TTF2: variants seen among roughly 807,000 people sequenced by gnomAD.
TTF2 encodes RNA polymerase II termination factor.
A neutral mutation model predicts 142.4 loss-of-function variants in TTF2; 108 were observed. The ratio of observed to expected loss-of-function variants is 0.76; its 90% CI spans 0.65 to 0.89. The LOEUF (loss-of-function observed/expected upper bound fraction) is 0.89, where lower values mean the gene tolerates loss of function less well. TTF2 is among the 40% of genes least tolerant of loss of function. The pLI is 0.00. For synonymous variants in TTF2, 483 were observed against 506.2 expected (o/e 0.95, Z 0.61); for missense variants, 1,327 against 1,379.8 (o/e 0.96, Z 0.61).
chr1:117,099,040 C>T lies in TTF2; in HGVS notation c.3344+133C>T. The T allele has an allele frequency of 1.3e-6, 1 of 764,918 alleles. No individual in the cohort carries two copies. The highest frequency in any genetic ancestry group is 3.2e-5 in the South Asian group (1 of 31,556). 47.4% of individuals were successfully genotyped at this position (764,918 alleles called of 1,614,324 possible). ...TTACTGATGATGCCCCTGAGGCATACCTTCAGGCAAACCACAGTCAGGAGA... is the reference window on the plus strand; with the variant it reads ...TTACTGATGATGCCCCTGAGGCATATCTTCAGGCAAACCACAGTCAGGAGA... On this transcript the variant is annotated intron_variant, in intron 22 of 22. Coordinates refer to ENST00000369466, the MANE Select transcript of TTF2 (RefSeq NM_003594.4). This position sits in a 1 kb window ranked among gnomAD's most constrained non-coding sequence, Gnocchi z 4.3.
In TTF2 at chr1:117,075,997, C is replaced by T; in HGVS notation, c.1275+138C>T. ...GTGCATGTTCAGTTTCTGCCTTTTC[C>T]CCTATTTATATTTTCAAGATTGGTA... On this transcript the variant is annotated intron_variant, in intron 5 of 22. Coordinates refer to ENST00000369466, the MANE Select transcript of TTF2 (RefSeq NM_003594.4). The surrounding 1 kb of genome is among the most constrained non-coding windows in gnomAD (Gnocchi z 4.5). 1 of 1,372,480 alleles carries T rather than the reference C, an allele frequency of 7.3e-7. No individual in the cohort carries two copies. The highest frequency in any genetic ancestry group is 9.7e-7 in the Non-Finnish European group (1 of 1,031,380). 85.0% of individuals were successfully genotyped at this position (1,372,480 alleles called of 1,614,324 possible).
In TTF2 at chr1:117,075,570, C is replaced by T. The variant is rs754957264; in HGVS notation, c.986C>T (p.Ala329Val). 25 of 1,614,042 alleles carry T rather than the reference C, an allele frequency of 1.5e-5. No homozygotes were observed. Among genetic ancestry groups the T allele is most frequent in the Non-Finnish European group, 1.9e-5 (23 of 1,180,032 alleles). The change falls in exon 5 of 23, where the codon GCG (alanine) becomes GTG (valine). Residue 329 changes from alanine (A) to valine (V), a missense_variant. Physicochemically the swap from Ala to Val is moderately conservative, Grantham distance 64. Coordinates refer to ENST00000369466, the MANE Select transcript of TTF2 (RefSeq NM_003594.4). This position sits in a 1 kb window ranked among gnomAD's most constrained non-coding sequence, Gnocchi z 4.5. ...THSVPAPGGPAAQAAPAAPGL... is the reference protein window; with the variant it reads ...THSVPAPGGPVAQAAPAAPGL... The stretch of plus-strand genomic sequence containing the variant: ...AGTGTGCCTGCTCCTGGAGGACCAG[C>T]GGCTCAGGCTGCACCAGCAGCACCA...
chr1:117,095,430 C>A, intron 19 of TTF2, 63 bp downstream of exon 19: 2 of 1,494,758 alleles, frequency 1.3e-6, no homozygotes, highest in African/African-American at 1.4e-5. Flanking sequence ...TTGATATTGC[C>A]AAGAGTTATA....
Position 117,088,949 on chromosome 1 carries a change from A to G in TTF2, c.2309A>G (p.Gln770Arg), listed in dbSNP as rs1399982848. ...ARWAVTGTPI[Q>R]NNLLDMYSLL... ...TGGGCTGTCACTGGAACCCCCATTC[A>G]AAACAACTTATTGGATATGTATTCG... is the stretch of plus-strand genomic sequence containing the variant. The change falls in exon 13 of 23, where the codon CAA becomes CGA. Residue 770 changes from glutamine (Q) to arginine (R), a missense_variant. Transcript: ENST00000369466. 5 of 1,613,024 alleles carry G rather than the reference A, an allele frequency of 3.1e-6. No individual in the cohort carries two copies. The South Asian group carries it at 5.5e-5, about 18-fold the overall frequency.
intron 2 of TTF2, among the ~76,000 whole-genome samples, 193 bp from the exon 3 acceptor site, chr1:117,062,194 G>A (rs974946181): frequency 6.6e-6 from 1 of 152,218 alleles, no homozygotes; most frequent in Admixed American, 6.5e-5. Flanking sequence ...ATTTGAGAAA[G>A]TGGGTAAAGA....
chr1:117,064,738 C>T (rs557669108), intron 3 of TTF2, among the ~76,000 whole-genome samples: 5 of 150,518 alleles, frequency 3.3e-5, no homozygotes, highest in East Asian at 2.0e-4. Context: ...AGGCTGGTCC[C>T]GAACTCCTGA....
chr1:117,082,058 C>T (rs778830720), intron 10 of TTF2, 111 bp downstream of exon 10: 91 of 1,489,576 alleles, frequency 6.1e-5, no homozygotes, highest in Non-Finnish European at 7.9e-5. Context: ...AATTACTCTA[C>T]TGGAAAACCA....
rs1324281635 is a variant in TTF2, at chr1:117,073,994, G to GA, written c.285+274dup. Among the ~76,000 whole-genome samples the GA allele has an allele frequency of 1.3e-5, 2 of 152,050 alleles. No homozygotes were observed. Among genetic ancestry groups the GA allele is most frequent in the South Asian group, 2.1e-4 (1 of 4,814 alleles). ...TGTAGTCAGTATTCTTTTACTCAAG[G>GA]AAAAAAATAGATTTCCTTGACTAAC... On this transcript the variant is annotated intron_variant, in intron 4 of 22. Transcript: ENST00000369466. The surrounding 1 kb of genome is among the most constrained non-coding windows in gnomAD (Gnocchi z 4.4).
At chr1:117,098,624 C>T in intron 21 of TTF2, 1 of 471,390 alleles carries the variant, frequency 2.1e-6, no homozygotes, top group African/African-American at 2.0e-5. Context: ...GATTTTTTTT[C>T]TTTGAGGCTT....
rs1458891850 is a variant in TTF2, at chr1:117,060,366, C to T, written c.20C>T (p.Pro7Leu). MEEVRC[P>L]EHGTFCFLKT... ...AGCGAAATGGAAGAAGTTAGGTGTC[C>T]AGAGCACGGTAAGGGGCTAGGGTCT... Residue 7 changes from proline (P) to leucine (L), a missense_variant, in exon 1 of 23, where the codon CCA (proline) becomes CTA (leucine). By Grantham distance (98) the Pro-to-Leu change is moderately conservative. Transcript: ENST00000369466. 1 of 1,604,478 alleles carries T rather than the reference C, an allele frequency of 6.2e-7. No individual in the cohort carries two copies. The highest frequency in any genetic ancestry group is 1.1e-5 in the South Asian group (1 of 90,238).
chr1:117,092,892 G>C lies in TTF2; in HGVS notation c.2967G>C (p.Glu989Asp), dbSNP rs1056802412. The part of the protein sequence containing the change: ...FKMELFEGMR[E>D]STKISSLLAE... ...TGGAGCTTTTTGAAGGCATGCGAGA[G>C]AGCACCAAGGTACTTTTTGTCTCCT... The change falls in exon 18 of 23, where the codon GAG becomes GAC. Residue 989 changes from glutamate to aspartate, a missense_variant. Coordinates refer to ENST00000369466, the MANE Select transcript of TTF2 (RefSeq NM_003594.4). The surrounding 1 kb of genome is among the most constrained non-coding windows in gnomAD (Gnocchi z 4.4). 1.2e-6 allele frequency: 2 copies of C among 1,614,182 alleles called. No individual in the cohort carries two copies. The highest frequency in any genetic ancestry group is 1.7e-6 in the Non-Finnish European group (2 of 1,180,038).
In TTF2 at chr1:117,087,317, G is replaced by A. The variant is rs1648104964; in HGVS notation, c.2160+795G>A. 6.6e-6 allele frequency among the ~76,000 whole-genome samples: 1 copy of A among 152,108 alleles called. No homozygotes were observed. Among genetic ancestry groups the A allele is most frequent in the Non-Finnish European group, 1.5e-5 (1 of 68,008 alleles). ...TTCATTTATTTATTTATTTGAGGCA[G>A]AATCTCACTCTGTCGCCCAGGATGG... On this transcript the variant is annotated intron_variant, in intron 12 of 22. Coordinates refer to ENST00000369466, the MANE Select transcript of TTF2 (RefSeq NM_003594.4). This position sits in a 1 kb window ranked among gnomAD's most constrained non-coding sequence, Gnocchi z 4.8.
chr1:117,064,196 G>A (rs1347009850), intron 3 of TTF2, among the ~76,000 whole-genome samples: 7 of 152,000 alleles, frequency 4.6e-5, no homozygotes, highest in Non-Finnish European at 1.0e-4. Flanking sequence ...ATACAAGTTA[G>A]GCCAGGCATG....
Position 117,091,928 on chromosome 1 carries a change from G to A in TTF2, c.2783G>A (p.Cys928Tyr). The A allele has an allele frequency of 6.2e-7, 1 of 1,612,508 alleles. No homozygotes were observed. Among genetic ancestry groups the A allele is most frequent in the Non-Finnish European group, 8.5e-7 (1 of 1,179,562 alleles). Residue 928 changes from cysteine (C) to tyrosine (Y), a missense_variant, in exon 17 of 23, where the codon TGT (cysteine) becomes TAT (tyrosine). Physicochemically the swap from Cys to Tyr is radical, Grantham distance 194 (BLOSUM62 -2). Transcript: ENST00000369466. The stretch of plus-strand genomic sequence containing the variant: ...TTGCTGAGACTCCGCCAGTGTTGCT[G>A]TCATCTTTCTTTACTGAAGTCGGTA... ...SQLLRLRQCC[C>Y]HLSLLKSALD...
intron 16 of TTF2, 68 bp from the exon 17 acceptor site, chr1:117,091,749 T>C: frequency 2.6e-6 from 4 of 1,564,256 alleles, no homozygotes; most frequent in Non-Finnish European, 2.6e-6. Context: ...CCCATGTAGT[T>C]CCTGGCTCTC....
rs1655841661 is a variant in TTF2 at position 117,063,418 on chromosome 1, C to A, written c.218+945C>A. ...TCACCCCTCCCATCTCCACCCCTGTCAGCAATCACTGTTCTGATTTTTATC... is the reference window on the plus strand; with the variant it reads ...TCACCCCTCCCATCTCCACCCCTGTAAGCAATCACTGTTCTGATTTTTATC... On this transcript the variant is annotated intron_variant, in intron 3 of 22. Coordinates refer to ENST00000369466, the MANE Select transcript of TTF2 (RefSeq NM_003594.4). The surrounding 1 kb of genome is among the most constrained non-coding windows in gnomAD (Gnocchi z 4.1). Among the ~76,000 whole-genome samples the A allele has an allele frequency of 6.6e-6, 1 of 152,192 alleles. No homozygotes were observed. The highest frequency in any genetic ancestry group is 1.5e-5 in the Non-Finnish European group (1 of 68,032).
chr1:117,082,187 G>A, intron 10 of TTF2: 2 of 506,294 alleles, frequency 4.0e-6, no homozygotes, highest in South Asian at 2.0e-5. Flanking sequence ...GAAAGCTGAG[G>A]CTCTAGAACA....
At position 117,106,797 on chromosome 1, in the gene TTF2, C is replaced by T. The variant is rs1053318914; in HGVS notation, c.*5273C>T. 2.0e-5 allele frequency: 3 copies of T among 152,254 alleles called. No homozygotes were observed. The highest frequency in any genetic ancestry group is 4.4e-5 in the Non-Finnish European group (3 of 68,050). The allele number at this position is 152,254 out of a possible 1,614,324, so 9.4% of individuals were successfully genotyped here. A position where few individuals can be genotyped will look rare whatever the true frequency, so the allele number is the denominator to read the frequency against. On this transcript the variant is annotated 3_prime_UTR_variant, in exon 23 of 23. Transcript: ENST00000369466. ...GCCTGCTTCTAATGAGCATCCACTT[C>T]ATTGAACCACCTCTTCATTGAGCCA...
At chr1:117,071,944 A>G (rs1027857581) in intron 3 of TTF2, among the ~76,000 whole-genome samples, 4 of 152,100 alleles carry the variant, frequency 2.6e-5, no homozygotes, top group Non-Finnish European at 5.9e-5. Flanking sequence ...AATGTGGGGA[A>G]ACCTTGCCAA....
Sources: gnomAD v4.1 joint callset for allele counts (sites outside exome capture counted in the v4.1 genomes callset) on GRCh38, gnomAD v4.1.1 for gene constraint, Gnocchi (gnomAD v3.1) non-coding constraint, MANE v1.5 for transcripts, NCBI Gene and HGNC (gene_info 2026-07-23, HGNC 2026-07-21) for gene names.